MSH6: variants seen among roughly 807,000 people sequenced by gnomAD.
The protein encoded by MSH6 is DNA mismatch repair protein Msh6.
MSH6 carries 85 observed loss-of-function variants against 119.1 expected under a neutral mutation model. That is an observed-to-expected ratio of 0.71 (90% CI 0.60 to 0.85). The LOEUF (loss-of-function observed/expected upper bound fraction) is 0.85, where lower values mean the gene tolerates loss of function less well. Among genes scored for constraint, MSH6 ranks in the 40% least tolerant of loss-of-function variants. The probability of loss-of-function intolerance (pLI) is 0.00; values close to 1 mark genes in which losing one functional copy is unlikely to be tolerated. For missense variants in MSH6, 2,163 were observed against 1,655.3 expected, an observed-to-expected ratio of 1.31 and a Z score of -5.32; for synonymous variants, 830 against 586.9, an observed-to-expected ratio of 1.41 and a Z score of -5.99.
At chr2:47,802,123 G>A (rs536601946) in intron 4 of MSH6, among the ~76,000 whole-genome samples, 1 of 152,090 alleles carries the variant, frequency 6.6e-6, no homozygotes, top group Non-Finnish European at 1.5e-5. Context: ...GCATTTCAGT[G>A]AATCCATCTG....
chr2:47,808,299 G>C (rs1002679606), downstream of MSH6: 1 of 1,612,252 alleles, frequency 6.2e-7, no homozygotes, highest in Non-Finnish European at 8.5e-7. Flanking sequence ...AAAGTAATTG[G>C]GTAATATATC....
chr2:47,796,463 A>C (rs773872042), intron 3 of MSH6, among the ~76,000 whole-genome samples: 1 of 152,186 alleles, frequency 6.6e-6, no homozygotes, highest in African/African-American at 2.4e-5. Context: ...GCTGGTCTCA[A>C]ACTCCTGAGT....
intron 7 of MSH6, 148 bp from the exon 8 acceptor site, chr2:47,806,056 G>T (rs143142196): frequency 6.2e-5 from 49 of 792,810 alleles, no homozygotes; most frequent in Non-Finnish European, 8.6e-5. Context: ...AAGCAGACTC[G>T]TGTAGCTAAA....
At chr2:47,785,279 G>A (rs1422045765) in intron 1 of MSH6, among the ~76,000 whole-genome samples, 1 of 152,212 alleles carries the variant, frequency 6.6e-6, no homozygotes, top group Non-Finnish European at 1.5e-5. Context: ...CCAGGCTGGA[G>A]TGCTGTGGCG....
downstream of MSH6, chr2:47,807,298 G>GT (rs1421466324): frequency 9.2e-6 from 2 of 216,804 alleles, no homozygotes; most frequent in African/African-American, 2.3e-5. Flanking sequence ...AAACATAGTA[G>GT]TTTTTTACCT....
rs765512667 is a variant in MSH6 at position 47,798,584 on chromosome 2, T to C, written c.628-27T>C. ...ATGGTTTTCCAAATTTTGATTTGTTTTTAAATACTCTTTCCTTGCCTGGCA... is the reference window on the plus strand; with the variant it reads ...ATGGTTTTCCAAATTTTGATTTGTTCTTAAATACTCTTTCCTTGCCTGGCA... On this transcript the variant is annotated intron_variant, in intron 3 of 9. Coordinates refer to ENST00000234420, the MANE Select transcript of MSH6 (RefSeq NM_000179.3). The C allele has an allele frequency of 3.1e-6, 5 of 1,603,552 alleles. No individual in the cohort carries two copies. The African/African-American group carries it at 6.7e-5, about 21-fold the overall frequency.
chr2:47,797,849 C>T (rs544903741), intron 3 of MSH6: 9 of 233,970 alleles, frequency 3.8e-5, no homozygotes, highest in Admixed American at 8.2e-5. Flanking sequence ...CTTACCTCCT[C>T]CCAGTTCAAA....
At chr2:47,790,574 T>C (rs1668663258) in intron 1 of MSH6, among the ~76,000 whole-genome samples, 1 of 152,234 alleles carries the variant, frequency 6.6e-6, no homozygotes, top group Admixed American at 6.5e-5. Flanking sequence ...GTACATACCA[T>C]ATTGTATAGG....
At chr2:47,809,745 T>C (rs1331671493), downstream of MSH6, 3 of 1,359,350 alleles carry the variant, frequency 2.2e-6, no homozygotes, top group African/African-American at 1.4e-5. Context: ...TACATCACTT[T>C]ATACTGCTTC....
rs142172006 is a variant in MSH6 at position 47,800,254 on chromosome 2, C to T, written c.2271C>T (p.Thr757=). ...LNGTNGSTEG[T]LLERVDTCHT... ...GAACAAATGGTTCTACTGAAGGAAC[C>T]CTACTAGAGAGGGTTGATACTTGCC... The change falls in exon 4 of 10, where the codon ACC becomes ACT. Residue 757 remains threonine (T), a synonymous_variant. Coordinates refer to ENST00000234420, the MANE Select transcript of MSH6 (RefSeq NM_000179.3). 59 of 1,613,894 alleles carry T rather than the reference C, an allele frequency of 3.7e-5. No individual in the cohort carries two copies. Among genetic ancestry groups the T allele is most frequent in the Non-Finnish European group, 4.7e-5 (55 of 1,179,998 alleles).
downstream of MSH6, chr2:47,807,329 G>C (rs1670286447): frequency 9.4e-6 from 2 of 213,418 alleles, no homozygotes; most frequent in Non-Finnish European, 1.9e-5. Context: ...TGAGTTACAA[G>C]AATACTTTTG....
intron 2 of MSH6, among the ~76,000 whole-genome samples, chr2:47,794,166 C>A (rs1038722195): frequency 1.3e-5 from 2 of 151,546 alleles, no homozygotes; most frequent in East Asian, 2.1e-4. Flanking sequence ...CATGGTGAAA[C>A]CCTGTCTCTA....
intron 1 of MSH6, chr2:47,789,389 G>GATCCAGCT (rs1291594309): frequency 2.0e-5 from 9 of 449,528 alleles, no homozygotes; most frequent in Non-Finnish European, 3.2e-5. Context: ...ATAATGGTTG[G>GATCCAGCT]ATCCAGCTTT....
intron 1 of MSH6, among the ~76,000 whole-genome samples, chr2:47,790,700 A>G (rs898836039): frequency 6.6e-6 from 1 of 152,170 alleles, no homozygotes; most frequent in South Asian, 2.1e-4. Flanking sequence ...TTCTCACCCT[A>G]ATAACATAAC....
rs1669902426 is a variant in MSH6, at chr2:47,805,178, T to C, written c.3556+151T>C. ...CACTTTTTAAGAACTGCATAGTCTCTCTCTCTTTTTTTTTTTTTTGAGATG... is the reference window on the plus strand; with the variant it reads ...CACTTTTTAAGAACTGCATAGTCTCCCTCTCTTTTTTTTTTTTTTGAGATG... On this transcript the variant is annotated intron_variant, in intron 6 of 9. Coordinates refer to ENST00000234420, the MANE Select transcript of MSH6 (RefSeq NM_000179.3). 4.8e-6 allele frequency: 3 copies of C among 628,500 alleles called. No individual in the cohort carries two copies. The East Asian group carries it at 8.5e-5, about 18-fold the overall frequency. The allele number at this position is 628,500 out of a possible 1,614,324, so 38.9% of individuals were successfully genotyped here.
intron 5 of MSH6, 144 bp from the exon 6 acceptor site, chr2:47,804,766 G>C (rs112347275): frequency 1.4e-6 from 1 of 721,228 alleles, no homozygotes; most frequent in African/African-American, 1.7e-5. Flanking sequence ...TTAGCAAATG[G>C]ATTTCAGAAC....
Position 47,798,833 on chromosome 2 carries a change from G to T in MSH6, c.850G>T (p.Asp284Tyr), listed in dbSNP as rs1553412286. Residue 284 changes from aspartate (D) to tyrosine (Y), a missense_variant, in exon 4 of 10, where the codon GAT becomes TAT. Transcript: ENST00000234420. ...SSDEISSGVGDSESEGLNSPV... is the reference protein window; with the variant it reads ...SSDEISSGVGYSESEGLNSPV... ...TGATGAAATAAGCAGTGGAGTGGGG[G>T]ATAGTGAGAGTGAAGGCCTGAACAG... The T allele has an allele frequency of 6.2e-7, 1 of 1,614,182 alleles. No individual in the cohort carries two copies. The highest frequency in any genetic ancestry group is 8.5e-7 in the Non-Finnish European group (1 of 1,180,032).
At chr2:47,790,358 G>C (rs1357741671) in intron 1 of MSH6, among the ~76,000 whole-genome samples, 2 of 152,164 alleles carry the variant, frequency 1.3e-5, no homozygotes, top group African/African-American at 4.8e-5. Flanking sequence ...GGGGAGGCAC[G>C]TTACGCCCTC....
In MSH6 at chr2:47,790,706, A is replaced by C. The variant is rs3136280; in HGVS notation, c.261-221A>C. On this transcript the variant is annotated intron_variant, in intron 1 of 9. Transcript: ENST00000234420. ...TGAGAAAGTTTCTCACCCTAATAAC[A>C]TAACTATATTTGTGTTTGTCTTCAT... Among the ~76,000 whole-genome samples, 2,282 of 148,888 alleles carry C rather than the reference A, an allele frequency of 0.015. 33 individuals are homozygous for C. The highest frequency in any genetic ancestry group is 0.022 in the Non-Finnish European group (1,524 of 67,806).
Sources: allele counts gnomAD v4.1 joint callset (sites outside exome capture counted in the v4.1 genomes callset), GRCh38; gene constraint gnomAD v4.1.1; transcripts MANE v1.5; gene names NCBI Gene and HGNC (gene_info 2026-07-23, HGNC 2026-07-21).